SMYD3: variants seen among roughly 807,000 people sequenced by gnomAD.
SMYD3 encodes the protein SET and MYND domain containing 3, also known as histone-lysine N-methyltransferase SMYD3.
A neutral mutation model predicts 57.7 loss-of-function variants in SMYD3; 36 were observed. That is an observed-to-expected ratio of 0.62 (90% CI 0.48 to 0.82). The LOEUF (loss-of-function observed/expected upper bound fraction) is 0.82, where lower values mean the gene tolerates loss of function less well. Among genes scored for constraint, SMYD3 ranks in the 40% least tolerant of loss-of-function variants. The probability of loss-of-function intolerance (pLI) is 0.00; values close to 1 mark genes in which losing one functional copy is unlikely to be tolerated. For missense variants in SMYD3, 515 were observed against 538.8 expected, an observed-to-expected ratio of 0.96 and a Z score of 0.44; for synonymous variants, 211 against 195.0, an observed-to-expected ratio of 1.08 and a Z score of -0.68.
intron 1 of SMYD3, among the ~76,000 whole-genome samples, chr1:246,435,087 C>T (rs919300915): frequency 3.3e-5 from 5 of 152,164 alleles, no homozygotes; most frequent in African/African-American, 4.8e-5. Context: ...ACATGTAGTT[C>T]ACACTTATAA....
chr1:246,159,152 G>A lies in SMYD3; in HGVS notation c.531+168049C>T, dbSNP rs563430663. On this transcript the variant is annotated intron_variant, in intron 5 of 11. Transcript: ENST00000490107. ...TAAAAAAGGTTTTTCTAAAGTGCTG[G>A]GGGGAAAGCACGTGTAATAGCCGGA... Among the ~76,000 whole-genome samples, 17 of 152,262 alleles carry A rather than the reference G, an allele frequency of 1.1e-4. No individual in the cohort carries two copies. The South Asian group carries it at 2.9e-3, about 26-fold the overall frequency.
Position 245,761,583 on chromosome 1 carries a change from T to C in SMYD3, c.1185+2458A>G, listed in dbSNP as rs147151430. Among the ~76,000 whole-genome samples the C allele has an allele frequency of 2.8e-4, 43 of 152,284 alleles. No homozygotes were observed. In the East Asian group the frequency reaches 8.3e-3, roughly 29 times the overall value. On this transcript the variant is annotated intron_variant, in intron 11 of 11. Coordinates refer to ENST00000490107, the MANE Select transcript of SMYD3 (RefSeq NM_001167740.2). ...AAGAAGCAATCTAAATCTTCTCTGA[T>C]TTCTCTCCCATATTTTTCCCTGAGT...
In SMYD3 at chr1:245,978,557, T is replaced by A. The variant is rs182568420; in HGVS notation, c.532-48620A>T. On this transcript the variant is annotated intron_variant, in intron 5 of 11. Coordinates refer to ENST00000490107, the MANE Select transcript of SMYD3 (RefSeq NM_001167740.2). ...GAAATCATCTTTATTAGAAAAAAAA[T>A]AAGTGCGGGAGGGCGGGGGGCAGAG... Among the ~76,000 whole-genome samples the A allele has an allele frequency of 2.9e-3, 438 of 152,068 alleles. 2 individuals are homozygous for A. The highest frequency in any genetic ancestry group is 9.9e-3 in the African/African-American group (412 of 41,476).
At chr1:245,866,089 C>A (rs1267026463) in intron 8 of SMYD3, among the ~76,000 whole-genome samples, 1 of 152,136 alleles carries the variant, frequency 6.6e-6, no homozygotes, top group East Asian at 1.9e-4. Flanking sequence ...ATAGAACGAC[C>A]CCATGAGAAC....
chr1:246,145,687 C>G (rs531169333), intron 5 of SMYD3, among the ~76,000 whole-genome samples: 2 of 152,268 alleles, frequency 1.3e-5, no homozygotes, highest in South Asian at 4.2e-4. Flanking sequence ...AATTGACTTT[C>G]CGACCTGAGA....
chr1:245,816,833 T>C (rs900171138), intron 10 of SMYD3, among the ~76,000 whole-genome samples: 1 of 152,148 alleles, frequency 6.6e-6, no homozygotes, highest in African/African-American at 2.4e-5. Flanking sequence ...TATTGCGCTT[T>C]TCGGACCGGC....
chr1:246,218,496 CT>C (rs1337051269), intron 5 of SMYD3, among the ~76,000 whole-genome samples: 1 of 152,084 alleles, frequency 6.6e-6, no homozygotes, highest in African/African-American at 2.4e-5. Context: ...TGGCGGGCGG[CT>C]GTAGTCCCAG....
intron 11 of SMYD3, among the ~76,000 whole-genome samples, chr1:245,753,296 C>T (rs1008471521): frequency 4.0e-5 from 6 of 149,492 alleles, no homozygotes; most frequent in Admixed American, 6.7e-5. Flanking sequence ...GAAAGTAAAA[C>T]GCCATATAGA....
At chr1:246,347,806 C>T (rs934263756) in intron 2 of SMYD3, among the ~76,000 whole-genome samples, 5 of 151,950 alleles carry the variant, frequency 3.3e-5, no homozygotes, top group African/African-American at 7.3e-5. Flanking sequence ...AACAAATTTC[C>T]GCTCTTCACT....
chr1:246,254,656 CA>C (rs1320150130), intron 5 of SMYD3, among the ~76,000 whole-genome samples: 1 of 152,044 alleles, frequency 6.6e-6, no homozygotes, highest in Non-Finnish European at 1.5e-5. Context: ...AGCATACTTC[CA>C]ATTCTGTGAA....
At chr1:246,438,538 G>A (rs1280621158) in intron 1 of SMYD3, among the ~76,000 whole-genome samples, 3 of 151,838 alleles carry the variant, frequency 2.0e-5, no homozygotes, top group East Asian at 3.9e-4. Context: ...CCCCTCCCTG[G>A]CCCCCAGCAC....
chr1:245,926,329 C>T (rs1345495798), intron 7 of SMYD3, among the ~76,000 whole-genome samples: 1 of 152,204 alleles, frequency 6.6e-6, no homozygotes, highest in Non-Finnish European at 1.5e-5. Context: ...GATGATGAAT[C>T]AGGGGAAACA....
intron 1 of SMYD3, 63 bp downstream of exon 1, chr1:246,506,991 C>CCCCCCCCCCCCCCCCCCCCCCCCACA: frequency 1.2e-6 from 1 of 815,394 alleles, no homozygotes; most frequent in Non-Finnish European, 1.7e-6. Context: ...CGCCCGACGC[C>CCCCCCCCCCCCCCCCCCCCCCCCACA]CCCCCCTCCC....
intron 5 of SMYD3, among the ~76,000 whole-genome samples, chr1:246,074,913 TAC>T (rs60103366): frequency 0.13 from 19,705 of 148,182 alleles, 1,664 homozygotes; most frequent in East Asian, 0.38. Flanking sequence ...GCTAAAGCAA[TAC>T]ACACACACAC....
chr1:246,423,021 G>A (rs111230020), intron 1 of SMYD3, among the ~76,000 whole-genome samples: 7,222 of 152,222 alleles, frequency 0.047, 603 homozygotes, highest in African/African-American at 0.17. Flanking sequence ...GAGATGACCC[G>A]GCGCAGTGGC....
intron 10 of SMYD3, among the ~76,000 whole-genome samples, chr1:245,822,485 C>T (rs1221892751): frequency 1.1e-4 from 16 of 149,478 alleles, no homozygotes; most frequent in African/African-American, 4.0e-4. Context: ...CAGCATGGCA[C>T]ATGTATACAT....
In SMYD3 at chr1:246,248,631, C is replaced by CTTGTT. The variant is rs1309872022; in HGVS notation, c.531+78569_531+78570insAACAA. 1.4e-3 allele frequency among the ~76,000 whole-genome samples: 161 copies of CTTGTT among 119,246 alleles called. 7 individuals carry two copies. The highest frequency in any genetic ancestry group is 2.7e-3 in the East Asian group (9 of 3,394). The allele number at this position is 119,246 out of a possible 152,430, so 78.2% of individuals were successfully genotyped here. A position where few individuals can be genotyped will look rare whatever the true frequency, so the allele number is the denominator to read the frequency against. On this transcript the variant is annotated intron_variant, in intron 5 of 11. Transcript: ENST00000490107. ...GGCCAGTTATGCAAAAGCTCTCTGA[C>CTTGTT]TTTCCTTTTTTTTTTTTTTTTTTTT...
chr1:246,245,727 A>T lies in SMYD3; in HGVS notation c.531+81474T>A, dbSNP rs1572271532. On this transcript the variant is annotated intron_variant, in intron 5 of 11. Coordinates refer to ENST00000490107, the MANE Select transcript of SMYD3 (RefSeq NM_001167740.2). ...TATGACATTTCTGCATCACTTCCTG[A>T]CTTATAGACCTATTTCTCTAAATTG... 2.0e-5 allele frequency among the ~76,000 whole-genome samples: 3 copies of T among 152,154 alleles called. No individual in the cohort carries two copies. In the East Asian group the frequency reaches 5.8e-4, roughly 29 times the overall value.
At chr1:245,826,615 T>C (rs2049509803) in intron 10 of SMYD3, among the ~76,000 whole-genome samples, 1 of 152,212 alleles carries the variant, frequency 6.6e-6, no homozygotes. Flanking sequence ...TAAAACTCTC[T>C]CCTTATATTA....
Sources: allele counts gnomAD v4.1 joint callset (sites outside exome capture counted in the v4.1 genomes callset), GRCh38; gene constraint gnomAD v4.1.1; transcripts MANE v1.5; gene names NCBI Gene and HGNC (gene_info 2026-07-23, HGNC 2026-07-21).